ANKIB1: variants seen among roughly 807,000 people sequenced by gnomAD.
ANKIB1 encodes the protein ankyrin repeat and IBR domain containing 1, also known as ankyrin repeat and IBR domain-containing protein 1.
In ANKIB1, 43 loss-of-function variants were observed where a neutral mutation model predicts 122.1. That is an observed-to-expected ratio of 0.35 (90% CI 0.28 to 0.45). The LOEUF is 0.45. Ranked by LOEUF, ANKIB1 falls within the 20% of genes least tolerant of loss-of-function variation. The pLI is 1.00. For missense variants in ANKIB1, 992 were observed against 1,329.5 expected (o/e 0.75, Z 3.95); for synonymous variants, 390 against 442.0 (o/e 0.88, Z 1.48).
intron 1 of ANKIB1, among the ~76,000 whole-genome samples, chr7:92,289,743 G>A (rs947934007): frequency 9.9e-5 from 15 of 152,216 alleles, no homozygotes; most frequent in Non-Finnish European, 1.6e-4. Context: ...TGAACAGGTT[G>A]AGAGCTTAGT....
intron 5 of ANKIB1, among the ~76,000 whole-genome samples, chr7:92,339,626 C>T (rs1016358889): frequency 2.6e-5 from 4 of 152,128 alleles, no homozygotes; most frequent in Non-Finnish European, 5.9e-5. Flanking sequence ...GAGATAAAAT[C>T]GATTGCAATA....
At chr7:92,265,949 G>T (rs955738872) in intron 1 of ANKIB1, among the ~76,000 whole-genome samples, 1 of 152,220 alleles carries the variant, frequency 6.6e-6, no homozygotes, top group African/African-American at 2.4e-5. Context: ...ATCAGTATAT[G>T]TAAGTTTTTG....
intron 2 of ANKIB1, among the ~76,000 whole-genome samples, chr7:92,297,627 C>T (rs1802382488): frequency 6.6e-6 from 1 of 152,004 alleles, no homozygotes; most frequent in African/African-American, 2.4e-5. Context: ...CTTAATCATC[C>T]CCTGCTCCTA....
At chr7:92,253,940 T>C (rs1052307541) in intron 1 of ANKIB1, among the ~76,000 whole-genome samples, 3 of 152,206 alleles carry the variant, frequency 2.0e-5, no homozygotes, top group Non-Finnish European at 2.9e-5. Context: ...TGACTTACTT[T>C]GACGAACAAA....
intron 5 of ANKIB1, among the ~76,000 whole-genome samples, chr7:92,338,693 C>A (rs1585114461): frequency 6.6e-6 from 1 of 150,754 alleles, no homozygotes; most frequent in Non-Finnish European, 1.5e-5. Context: ...GGGCAGATAA[C>A]CTGAGGTCAG....
At chr7:92,329,637 C>T (rs12672992) in intron 5 of ANKIB1, among the ~76,000 whole-genome samples, 14,538 of 152,272 alleles carry the variant, frequency 0.095, 908 homozygotes, top group East Asian at 0.36. Context: ...CAGCTGGACT[C>T]ATCATTTCTC....
chr7:92,338,457 T>G (rs1803341101), intron 5 of ANKIB1, among the ~76,000 whole-genome samples: 1 of 151,358 alleles, frequency 6.6e-6, no homozygotes, highest in African/African-American at 2.4e-5. Flanking sequence ...AGGAAATTAA[T>G]ATATATGTTT....
At chr7:92,372,013 A>G (rs988791362) in intron 11 of ANKIB1, among the ~76,000 whole-genome samples, 6 of 113,664 alleles carry the variant, frequency 5.3e-5, no homozygotes, top group African/African-American at 1.3e-4. Context: ...GTGTGTGTGT[A>G]TCAAATGATT....
At chr7:92,367,864 T>C (rs1455128966) in intron 10 of ANKIB1, among the ~76,000 whole-genome samples, 1 of 152,158 alleles carries the variant, frequency 6.6e-6, no homozygotes, top group African/African-American at 2.4e-5. Context: ...TATTTAAAAA[T>C]TCAGTCTTTG....
chr7:92,343,168 C>T lies in ANKIB1; in HGVS notation c.932C>T (p.Thr311Ile). Residue 311 changes from threonine to isoleucine, a missense_variant, in exon 6 of 20, where the codon ACA becomes ATA. By Grantham distance (89) the Thr-to-Ile change is moderately conservative. This residue lies in a region of ANKIB1 where 521 missense variants were observed against 777.7 expected (regional missense o/e 0.67). Coordinates refer to ENST00000265742, the MANE Select transcript of ANKIB1 (RefSeq NM_019004.2). ...TLPSPRTPRT[T>I]RSSVTSPDEI... Reference sequence around the variant, plus strand: ...CCATCTCCAAGAACTCCAAGGACTACACGCTCTTCTGTCACCTCCCCAGAT... The same window carrying T: ...CCATCTCCAAGAACTCCAAGGACTATACGCTCTTCTGTCACCTCCCCAGAT... 1 of 1,613,992 alleles carries T rather than the reference C, an allele frequency of 6.2e-7. No homozygotes were observed. The highest frequency in any genetic ancestry group is 8.5e-7 in the Non-Finnish European group (1 of 1,179,892).
chr7:92,289,991 A>G (rs921557868), intron 1 of ANKIB1, among the ~76,000 whole-genome samples: 1 of 151,984 alleles, frequency 6.6e-6, no homozygotes, highest in Non-Finnish European at 1.5e-5. Flanking sequence ...TAATTTTTGT[A>G]TTTTTTGTAG....
chr7:92,397,765 C>T lies in ANKIB1; in HGVS notation c.2438C>T (p.Ser813Phe). 6.2e-7 allele frequency: 1 copy of T among 1,611,438 alleles called. No homozygotes were observed. Among genetic ancestry groups the T allele is most frequent in the Non-Finnish European group, 8.5e-7 (1 of 1,179,090 alleles). ...AGCAGCAGCCGCAGGCCTGGCACAT[C>T]CGTGGTAAGTTCTGCATCTATGAGT... Reference protein sequence around the residue: ...GGSSSRRPGTSVVSSASMSVL... With the variant: ...GGSSSRRPGTFVVSSASMSVL... The change falls in exon 19 of 20, where the codon TCC becomes TTC. Residue 813 changes from serine to phenylalanine, a missense_variant. Ser to Phe is a radical substitution (Grantham distance 155). This residue lies in a region of ANKIB1 where 384 missense variants were observed against 412.0 expected (regional missense o/e 0.93). Coordinates refer to ENST00000265742, the MANE Select transcript of ANKIB1 (RefSeq NM_019004.2).
At chr7:92,397,372 A>G (rs946406216) in intron 18 of ANKIB1, among the ~76,000 whole-genome samples, 3 of 151,680 alleles carry the variant, frequency 2.0e-5, no homozygotes, top group Non-Finnish European at 4.4e-5. Context: ...TGTAGTCCCA[A>G]CCACTCGAGA....
At chr7:92,352,245 A>C (rs566370643) in intron 8 of ANKIB1, among the ~76,000 whole-genome samples, 16 of 152,324 alleles carry the variant, frequency 1.1e-4, no homozygotes, top group Admixed American at 6.5e-4. Flanking sequence ...ATTAAAGAAA[A>C]CATAAATTTT....
chr7:92,373,965 A>G (rs533560427), intron 11 of ANKIB1, among the ~76,000 whole-genome samples: 9 of 152,304 alleles, frequency 5.9e-5, no homozygotes, highest in Non-Finnish European at 1.0e-4. Flanking sequence ...CGTTTTTTCC[A>G]TTATAAAATG....
At chr7:92,302,437 A>ATCTC (rs930384262) in intron 2 of ANKIB1, among the ~76,000 whole-genome samples, 1 of 151,748 alleles carries the variant, frequency 6.6e-6, no homozygotes, top group East Asian at 1.9e-4. Flanking sequence ...GCACCTTTGC[A>ATCTC]TCTCTCTCTC....
At chr7:92,374,366 T>TA (rs1457237556) in intron 11 of ANKIB1, among the ~76,000 whole-genome samples, 2 of 152,074 alleles carry the variant, frequency 1.3e-5, no homozygotes, top group African/African-American at 4.8e-5. Context: ...TAATCCCAGC[T>TA]ACTAGGGAGG....
chr7:92,370,280 G>A lies in ANKIB1; in HGVS notation c.1487-1197G>A, dbSNP rs530779800. ...TCCCAGCACTTTGGGAGGCCGAGGC[G>A]GGCGGATCACGAGGTCAGGAGATCG... On this transcript the variant is annotated intron_variant, in intron 10 of 19. Transcript: ENST00000265742. Among the ~76,000 whole-genome samples, 14 of 151,816 alleles carry A rather than the reference G, an allele frequency of 9.2e-5. No homozygotes were observed. In the East Asian group the frequency reaches 2.1e-3, roughly 23 times the overall value.
chr7:92,321,319 A>G (rs1160546902), intron 4 of ANKIB1, among the ~76,000 whole-genome samples: 51 of 152,186 alleles, frequency 3.4e-4, no homozygotes, highest in Admixed American at 3.3e-3. Flanking sequence ...TATTGGCTAA[A>G]GTCACCATTG....
Sources: allele counts gnomAD v4.1 joint callset (sites outside exome capture counted in the v4.1 genomes callset), GRCh38; gene constraint gnomAD v4.1.1; regional missense constraint gnomAD v4.1.1; transcripts MANE v1.5; gene names NCBI Gene and HGNC (gene_info 2026-07-23, HGNC 2026-07-21).